CEP57L1: variants seen among roughly 807,000 people sequenced by gnomAD.
CEP57L1 encodes centrosomal protein CEP57L1.
Under a neutral mutation model 61.0 loss-of-function variants are expected in CEP57L1, and 37 were observed. The ratio of observed to expected loss-of-function variants is 0.61; its 90% CI spans 0.47 to 0.80. The LOEUF (loss-of-function observed/expected upper bound fraction) is 0.80. Ranked by LOEUF, CEP57L1 falls within the 30% of genes least tolerant of loss-of-function variation. The pLI, the probability that CEP57L1 is intolerant of heterozygous loss-of-function variation, is 0.00. For missense variants in CEP57L1, 422 were observed against 524.7 expected, an observed-to-expected ratio of 0.80 and a Z score of 1.91; for synonymous variants, 137 against 162.3, an observed-to-expected ratio of 0.84 and a Z score of 1.19.
At chr6:109,152,329 C>T (rs180751898) in intron 4 of CEP57L1, among the ~76,000 whole-genome samples, 446 of 152,026 alleles carry the variant, frequency 2.9e-3, no homozygotes, top group Non-Finnish European at 5.0e-3. Context: ...TACAGGCGCC[C>T]GCCACCACAC....
chr6:109,149,842 G>A (rs1352269025), intron 3 of CEP57L1, among the ~76,000 whole-genome samples: 1 of 152,120 alleles, frequency 6.6e-6, no homozygotes, highest in Admixed American at 6.6e-5. Context: ...TATGTCCCTT[G>A]TAAGTTGGAT....
chr6:109,125,524 A>ATT (rs5879014), intron 1 of CEP57L1, among the ~76,000 whole-genome samples: 22 of 142,996 alleles, frequency 1.5e-4, no homozygotes, highest in East Asian at 4.0e-4. Context: ...ATATATATAT[A>ATT]TTTTTTTTTT....
intron 1 of CEP57L1, among the ~76,000 whole-genome samples, chr6:109,113,944 T>C (rs566331955): frequency 3.3e-5 from 5 of 152,302 alleles, no homozygotes; most frequent in African/African-American, 1.2e-4. Flanking sequence ...TTAAAATCCA[T>C]TCATCTGTAA....
chr6:109,098,811 T>A (rs988425936), intron 1 of CEP57L1, among the ~76,000 whole-genome samples: 2 of 152,134 alleles, frequency 1.3e-5, no homozygotes, highest in African/African-American at 4.8e-5. Context: ...ATATTTCTTT[T>A]AAATTGTGTT....
At chr6:109,127,906 A>T (rs9486996) in intron 1 of CEP57L1, among the ~76,000 whole-genome samples, 1 of 151,688 alleles carries the variant, frequency 6.6e-6, no homozygotes, top group South Asian at 2.1e-4. Context: ...GGGATTACAG[A>T]CATGAGCCAC....
In CEP57L1 at chr6:109,166,021, A is replaced by G. The variant is rs916877757; in HGVS notation, c.*3051A>G. ...AATTTTGATGAAACTGAAGCCAGAA[A>G]GTTCCAGTGTTTGAAGCAGCAGGTA... On this transcript the variant is annotated 3_prime_UTR_variant, in exon 11 of 11. Coordinates refer to ENST00000517392, the MANE Select transcript of CEP57L1 (RefSeq NM_001271852.3). The G allele has an allele frequency of 4.6e-5, 7 of 152,236 alleles. No homozygotes were observed. The highest frequency in any genetic ancestry group is 1.0e-4 in the Non-Finnish European group (7 of 68,042). 9.4% of individuals were successfully genotyped at this position (152,236 alleles called of 1,614,324 possible). A position where few individuals can be genotyped will look rare whatever the true frequency, so the allele number is the denominator to read the frequency against.
intron 1 of CEP57L1, among the ~76,000 whole-genome samples, chr6:109,109,840 T>C (rs1490102535): frequency 6.6e-6 from 1 of 152,230 alleles, no homozygotes; most frequent in Non-Finnish European, 1.5e-5. Flanking sequence ...GTTTCCAGCA[T>C]CATCCATGTC....
rs1244098860 is a variant in CEP57L1, at chr6:109,165,452, G to T, written c.*2482G>T. Among the ~76,000 whole-genome samples, 2 of 151,940 alleles carry T rather than the reference G, an allele frequency of 1.3e-5. No individual in the cohort carries two copies. The highest frequency in any genetic ancestry group is 2.9e-5 in the Non-Finnish European group (2 of 67,988). ...AAAATGTAGAACACATGTTTGCATG[G>T]GTTGAAGCCTAAAAGCAAACACCTA... On this transcript the variant is annotated 3_prime_UTR_variant, in exon 11 of 11. Coordinates refer to ENST00000517392, the MANE Select transcript of CEP57L1 (RefSeq NM_001271852.3).
Position 109,159,503 on chromosome 6 carries a change from CTCGCTATG to C in CEP57L1, c.1016+43_1016+50del, listed in dbSNP as rs1303301398. 4.5e-6 allele frequency: 7 copies of C among 1,569,740 alleles called. No homozygotes were observed. In the African/African-American group the frequency reaches 8.2e-5, roughly 18 times the overall value. On this transcript the variant is annotated intron_variant, in intron 9 of 10. Coordinates refer to ENST00000517392, the MANE Select transcript of CEP57L1 (RefSeq NM_001271852.3). ...CTTTTTTTTTTTCAAGAGACAGTGT[CTCGCTATG>C]TTGCCCAGGCTAGTCTTGAACTCCT...
intron 1 of CEP57L1, among the ~76,000 whole-genome samples, chr6:109,102,472 T>C: frequency 6.6e-6 from 1 of 152,236 alleles, no homozygotes; most frequent in Non-Finnish European, 1.5e-5. Flanking sequence ...CATTCTTTAA[T>C]AGTGTCTTTT....
intron 4 of CEP57L1, among the ~76,000 whole-genome samples, chr6:109,152,646 T>C (rs200057894): frequency 1.9e-4 from 13 of 68,840 alleles, no homozygotes; most frequent in African/African-American, 6.5e-4. Flanking sequence ...CGTGTGTGTG[T>C]GTGTGTGTGT....
At chr6:109,122,472 A>G (rs1773084297) in intron 1 of CEP57L1, among the ~76,000 whole-genome samples, 1 of 152,100 alleles carries the variant, frequency 6.6e-6, no homozygotes, top group African/African-American at 2.4e-5. Flanking sequence ...AAAGAATAAT[A>G]CATCTTATAA....
chr6:109,102,552 A>G (rs1770438211), intron 1 of CEP57L1, among the ~76,000 whole-genome samples: 1 of 152,202 alleles, frequency 6.6e-6, no homozygotes, highest in Admixed American at 6.5e-5. Context: ...TTGTAGCTAA[A>G]AAGTCATTGC....
chr6:109,135,893 A>G (rs1239359204), intron 1 of CEP57L1, among the ~76,000 whole-genome samples: 4 of 152,220 alleles, frequency 2.6e-5, no homozygotes, highest in South Asian at 2.1e-4. Flanking sequence ...TAGAATGGCA[A>G]TCATTAAAAA....
chr6:109,112,611 G>T (rs76962071), intron 1 of CEP57L1, among the ~76,000 whole-genome samples: 1 of 151,722 alleles, frequency 6.6e-6, no homozygotes, highest in Non-Finnish European at 1.5e-5. Flanking sequence ...GTTAGGTGTC[G>T]AATTTTGATC....
intron 1 of CEP57L1, among the ~76,000 whole-genome samples, chr6:109,128,277 A>G (rs534282807): frequency 6.6e-6 from 1 of 152,260 alleles, no homozygotes; most frequent in South Asian, 2.1e-4. Context: ...CCATATTTCC[A>G]TTAATTCACC....
intron 7 of CEP57L1, 128 bp downstream of exon 7, chr6:109,156,005 C>G (rs565710803): frequency 2.0e-6 from 1 of 498,600 alleles, no homozygotes; most frequent in Admixed American, 4.1e-5. Flanking sequence ...TGCAATAATG[C>G]GTGTCAAGTA....
In CEP57L1 at chr6:109,132,261, T is replaced by C. The variant is rs546997452; in HGVS notation, c.-3-12958T>C. 5.9e-4 allele frequency among the ~76,000 whole-genome samples: 90 copies of C among 152,246 alleles called. 2 individuals carry two copies. The highest frequency in any genetic ancestry group is 3.4e-3 in the Middle Eastern group (1 of 292). Reference sequence around the variant, plus strand: ...TTCCTACAGTTAAAGATCTAAGAAATGTGTTTAAAATTAGAACTCTAAATG... The same window carrying C: ...TTCCTACAGTTAAAGATCTAAGAAACGTGTTTAAAATTAGAACTCTAAATG... On this transcript the variant is annotated intron_variant, in intron 1 of 10. Transcript: ENST00000517392.
chr6:109,171,074 T>G lies in CEP57L1; in HGVS notation c.*8104T>G, dbSNP rs1774379452. On this transcript the variant is annotated 3_prime_UTR_variant, in exon 11 of 11. Coordinates refer to ENST00000517392, the MANE Select transcript of CEP57L1 (RefSeq NM_001271852.3). ...TTCTCTCAAGGTATGATTTAAATGG[T>G]GGACACTTAAGCCAAAATTTCAAAC... 6.6e-6 allele frequency among the ~76,000 whole-genome samples: 1 copy of G among 151,804 alleles called. No individual in the cohort carries two copies. Among genetic ancestry groups the G allele is most frequent in the South Asian group, 2.1e-4 (1 of 4,806 alleles).
Sources: gnomAD v4.1 joint callset for allele counts (sites outside exome capture counted in the v4.1 genomes callset) on GRCh38, gnomAD v4.1.1 for gene constraint, MANE v1.5 for transcripts, NCBI Gene and HGNC (gene_info 2026-07-23, HGNC 2026-07-21) for gene names.